Variants in TMEM196 observed in about 807,000 individuals in gnomAD.
TMEM196 encodes transmembrane protein 196.
TMEM196 carries 17 observed loss-of-function variants against 20.0 expected under a neutral mutation model. The ratio of observed to expected loss-of-function variants is 0.85; its 90% CI spans 0.58 to 1.27. The LOEUF is 1.27. Among genes scored for constraint, TMEM196 ranks in the 50% most tolerant of loss-of-function variants. The probability of loss-of-function intolerance (pLI) is 0.00; values close to 1 mark genes in which losing one functional copy is unlikely to be tolerated. For synonymous variants in TMEM196, 113 were observed against 88.9 expected (o/e 1.27, Z -1.52); for missense variants, 267 against 223.0 (o/e 1.20, Z -1.26).
intron 1 of TMEM196, among the ~76,000 whole-genome samples, chr7:19,770,312 T>C (rs1310983109): frequency 6.6e-6 from 1 of 152,172 alleles, no homozygotes; most frequent in Non-Finnish European, 1.5e-5. Flanking sequence ...CTCATCTTTA[T>C]AGTATTGGTA....
intron 1 of TMEM196, among the ~76,000 whole-genome samples, chr7:19,762,284 G>T (rs1422527008): frequency 1.3e-5 from 2 of 151,848 alleles, no homozygotes; most frequent in African/African-American, 2.4e-5. Context: ...GTTCAAATTT[G>T]TGTTATCTTA....
chr7:19,731,248 T>C (rs945234143), intron 1 of TMEM196, among the ~76,000 whole-genome samples: 14 of 152,202 alleles, frequency 9.2e-5, no homozygotes, highest in African/African-American at 3.4e-4. Flanking sequence ...TTTTTAGTAT[T>C]ATAAAACCAT....
intron 1 of TMEM196, among the ~76,000 whole-genome samples, chr7:19,732,296 T>C (rs1346380676): frequency 1.3e-5 from 2 of 152,096 alleles, no homozygotes; most frequent in Non-Finnish European, 2.9e-5. Context: ...AATAATGGGC[T>C]GGGCATGGTG....
intron 1 of TMEM196, among the ~76,000 whole-genome samples, chr7:19,738,192 T>A (rs991031438): frequency 6.6e-6 from 1 of 152,048 alleles, no homozygotes; most frequent in African/African-American, 2.4e-5. Context: ...CCACTATACA[T>A]GTATACTGAA....
In TMEM196 at chr7:19,772,657, G is replaced by A. The variant is rs1382694040; in HGVS notation, c.40C>T (p.Leu14Phe). The change falls in exon 1 of 5, where the codon CTC becomes TTC. Residue 14 changes from leucine (L) to phenylalanine (F), a missense_variant. By Grantham distance (22) the Leu-to-Phe change is conservative. Coordinates refer to ENST00000405844, the MANE Select transcript of TMEM196 (RefSeq NM_001363562.2). ...CCCAGCCCTATCTCCAGCACGGAGA[G>A]CACCAAGAGGCTCCCAATAATCTGA... ...SGQIIGSLLV[L>F]SVLEIGLGVS... 2 of 1,541,510 alleles carry A rather than the reference G, an allele frequency of 1.3e-6. No individual in the cohort carries two copies. The highest frequency in any genetic ancestry group is 1.4e-5 in the African/African-American group (1 of 72,678).
chr7:19,759,981 A>G (rs183333082), intron 1 of TMEM196, among the ~76,000 whole-genome samples: 80 of 152,250 alleles, frequency 5.3e-4, no homozygotes, highest in African/African-American at 1.8e-3. Context: ...AATCTTGTCC[A>G]TTTCCTGCTC....
intron 1 of TMEM196, among the ~76,000 whole-genome samples, chr7:19,762,450 TA>T (rs1441491634): frequency 7.9e-5 from 12 of 152,170 alleles, no homozygotes; most frequent in Admixed American, 3.3e-4. Context: ...TGCAGTAACT[TA>T]AACTTTTTAT....
intron 2 of TMEM196, among the ~76,000 whole-genome samples, chr7:19,727,921 A>T (rs6951739): frequency 0.21 from 31,509 of 151,686 alleles, 3,588 homozygotes; most frequent in African/African-American, 0.31. Flanking sequence ...TTGGAGTGAA[A>T]TTTTTTTTTA....
intron 1 of TMEM196, among the ~76,000 whole-genome samples, chr7:19,761,194 C>T (rs188149154): frequency 1.2e-4 from 19 of 152,322 alleles, no homozygotes; most frequent in Non-Finnish European, 2.6e-4. Context: ...GCAATTTTAG[C>T]ATAGCGTACA....
At chr7:19,728,338 A>T (rs373242632) in intron 2 of TMEM196, among the ~76,000 whole-genome samples, 1 of 152,200 alleles carries the variant, frequency 6.6e-6, no homozygotes, top group Non-Finnish European at 1.5e-5. Context: ...GACCATGTGT[A>T]AAAAATGATG....
chr7:19,725,552 C>T lies in TMEM196; in HGVS notation c.421G>A (p.Glu141Lys). 5.6e-6 allele frequency: 9 copies of T among 1,613,388 alleles called. No homozygotes were observed. Among genetic ancestry groups the T allele is most frequent in the African/African-American group, 1.3e-5 (1 of 75,012 alleles). ...YEQRRMFSEREHSLHHSHEMA... is the reference protein window; with the variant it reads ...YEQRRMFSERKHSLHHSHEMA... Reference sequence around the variant, plus strand: ...TCATGAGAGTGATGCAGGGAATGCTCCCTTTCTGAGAACATCCTCCTCTGT... The same window carrying T: ...TCATGAGAGTGATGCAGGGAATGCTTCCTTTCTGAGAACATCCTCCTCTGT... Residue 141 changes from glutamate to lysine, a missense_variant, in exon 3 of 5, where the codon GAG becomes AAG. By Grantham distance (56) the Glu-to-Lys change is moderately conservative. Transcript: ENST00000405844.
intron 1 of TMEM196, among the ~76,000 whole-genome samples, chr7:19,749,252 A>G (rs1428100165): frequency 3.3e-5 from 5 of 152,338 alleles, no homozygotes; most frequent in African/African-American, 1.2e-4. Flanking sequence ...TTAGAAGTGG[A>G]GGAAGACCTA....
chr7:19,761,049 C>T (rs1484652571), intron 1 of TMEM196, among the ~76,000 whole-genome samples: 1 of 152,174 alleles, frequency 6.6e-6, no homozygotes, highest in Non-Finnish European at 1.5e-5. Flanking sequence ...GACTTGGCCC[C>T]ATCTTCATAA....
At chr7:19,729,481 C>T (rs776169315) in intron 1 of TMEM196, 43 bp from the exon 2 acceptor site, 46 of 1,529,230 alleles carry the variant, frequency 3.0e-5, no homozygotes, top group African/African-American at 1.4e-4. Flanking sequence ...TCCAAAGACA[C>T]GAGGACCCCT....
chr7:19,742,729 C>T (rs900568128), intron 1 of TMEM196, among the ~76,000 whole-genome samples: 2 of 152,020 alleles, frequency 1.3e-5, no homozygotes, highest in African/African-American at 4.8e-5. Context: ...TCCAAAGCAT[C>T]CACAATAATT....
rs139387334 is a variant in TMEM196 at position 19,725,882 on chromosome 7, G to A, written c.205-114C>T. ...ACTAGCCTACAATAAAGAAGAATAAGCGGTTTTGGTGCTTCACAGAGGACA... is the reference window on the plus strand; with the variant it reads ...ACTAGCCTACAATAAAGAAGAATAAACGGTTTTGGTGCTTCACAGAGGACA... On this transcript the variant is annotated intron_variant, in intron 2 of 4. Transcript: ENST00000405844. The A allele has an allele frequency of 1.3e-4, 174 of 1,315,252 alleles. No homozygotes were observed. The East Asian group carries it at 4.3e-3, about 33-fold the overall frequency. The allele number at this position is 1,315,252 out of a possible 1,614,324, so 81.5% of individuals were successfully genotyped here.
chr7:19,760,613 G>T (rs1785399873), intron 1 of TMEM196, among the ~76,000 whole-genome samples: 1 of 151,934 alleles, frequency 6.6e-6, no homozygotes, highest in South Asian at 2.1e-4. Flanking sequence ...TGCCTGTCTC[G>T]GCCTCCCAAA....
intron 4 of TMEM196, among the ~76,000 whole-genome samples, chr7:19,723,005 G>A (rs1216968842): frequency 6.6e-6 from 1 of 151,764 alleles, no homozygotes; most frequent in African/African-American, 2.4e-5. Context: ...GCTTGAACAA[G>A]CCTATTTGCA....
chr7:19,725,490 G>A (rs757959076), intron 3 of TMEM196, 24 bp downstream of exon 3: 234 of 1,589,470 alleles, frequency 1.5e-4, no homozygotes, highest in Non-Finnish European at 2.0e-4. Flanking sequence ...TGCTAGCAGT[G>A]AGAGGAAAAG....
Sources: gnomAD v4.1 joint callset for allele counts (sites outside exome capture counted in the v4.1 genomes callset) on GRCh38, gnomAD v4.1.1 for gene constraint, MANE v1.5 for transcripts, NCBI Gene and HGNC (gene_info 2026-07-23, HGNC 2026-07-21) for gene names.